P2RX5: variants seen among roughly 807,000 people sequenced by gnomAD.
P2RX5 encodes P2X purinoceptor 5.
Under a neutral mutation model 54.1 loss-of-function variants are expected in P2RX5, and 46 were observed. The observed-to-expected ratio is 0.85, with a 90% confidence interval of 0.67 to 1.09. P2RX5 has a LOEUF of 1.09. P2RX5 is among the 50% of genes least tolerant of loss of function. P2RX5 has a pLI of 0.00. For missense variants in P2RX5, 566 were observed against 549.8 expected (o/e 1.03, Z -0.29); for synonymous variants, 226 against 226.4 (o/e 1.00, Z 0.02).
Position 3,688,614 on chromosome 17 carries a change from G to A in P2RX5, c.887+12C>T. 4 of 1,614,048 alleles carry A rather than the reference G, an allele frequency of 2.5e-6. No homozygotes were observed. The highest frequency in any genetic ancestry group is 3.4e-6 in the Non-Finnish European group (4 of 1,179,938). On this transcript the variant is annotated intron_variant, in intron 8 of 11. Coordinates refer to ENST00000225328, the MANE Select transcript of P2RX5 (RefSeq NM_002561.4). ...ATGGTCAGGTCACAAGTGGGCACAA[G>A]GCAGCGGTTACCTGAAGTTGTACCC...
chr17:3,722,172 GAAAGAAAAGA>G, the P2RX5 span, among the ~76,000 whole-genome samples: 2 of 145,778 alleles, frequency 1.4e-5, no homozygotes, highest in Non-Finnish European at 3.0e-5. Context: ...CGTCTTGAAA[GAAAGAAAAGA>G]AAAGAAAAGA....
chr17:3,706,155 A>G, the P2RX5 span, among the ~76,000 whole-genome samples: 1 of 151,756 alleles, frequency 6.6e-6, no homozygotes, highest in Non-Finnish European at 1.5e-5. Flanking sequence ...GGGTTTCATC[A>G]TGTTGGCCAG....
At chr17:3,683,623 A>G (rs2050347345) in intron 9 of P2RX5, among the ~76,000 whole-genome samples, 1 of 151,560 alleles carries the variant, frequency 6.6e-6, no homozygotes. Context: ...CCAGCTACTC[A>G]GGAGGCTGAG....
intron 3 of P2RX5, 125 bp from the exon 4 acceptor site, chr17:3,690,805 T>TC (rs1199634699): frequency 8.6e-7 from 1 of 1,167,486 alleles, no homozygotes; most frequent in South Asian, 1.3e-5. Flanking sequence ...AACCTACTTC[T>TC]CCCCCATATA....
Position 3,676,388 on chromosome 17 carries a change from G to A in P2RX5, c.1260-2511C>T, listed in dbSNP as rs565478707. On this transcript the variant is annotated intron_variant, in intron 11 of 11. Coordinates refer to ENST00000225328, the MANE Select transcript of P2RX5 (RefSeq NM_002561.4). Reference sequence around the variant, plus strand: ...CAAAATCAGGGAGCCTCCTGCATTAGTAACACTGGCTGCCTCTGGGGAACC... The same window carrying A: ...CAAAATCAGGGAGCCTCCTGCATTAATAACACTGGCTGCCTCTGGGGAACC... The A allele has an allele frequency of 8.4e-5, 83 of 985,386 alleles. No homozygotes were observed. In the African/African-American group the frequency reaches 1.4e-3, roughly 17 times the overall value. The allele number at this position is 985,386 out of a possible 1,614,324, so 61.0% of individuals were successfully genotyped here.
chr17:3,708,241 C>G, the P2RX5 span, among the ~76,000 whole-genome samples: 1 of 152,058 alleles, frequency 6.6e-6, no homozygotes. Context: ...TGCCCACCAC[C>G]TCATCTGTAA....
intron 9 of P2RX5, among the ~76,000 whole-genome samples, chr17:3,683,228 G>C (rs2050335867): frequency 6.6e-6 from 1 of 152,090 alleles, no homozygotes; most frequent in African/African-American, 2.4e-5. Flanking sequence ...AGGTGGGAAG[G>C]GTTGGTGGAG....
intron 11 of P2RX5, among the ~76,000 whole-genome samples, chr17:3,674,154 A>G (rs982979112): frequency 2.0e-5 from 3 of 152,158 alleles, no homozygotes; most frequent in African/African-American, 7.2e-5. Context: ...CTCTACTAAA[A>G]ATACAAAAAA....
rs1567725929 is a variant in P2RX5, at chr17:3,673,492, C to CTA, written c.*374_*375dup. Reference sequence around the variant, plus strand: ...AGCCCTTTTCCGGACACGCACAATGCTATTCCCAGTGAGGTAATCTAGGAA... The same window carrying CTA: ...AGCCCTTTTCCGGACACGCACAATGCTATATTCCCAGTGAGGTAATCTAGGAA... On this transcript the variant is annotated 3_prime_UTR_variant, in exon 12 of 12. Transcript: ENST00000225328. 2.5e-6 allele frequency: 3 copies of CTA among 1,178,228 alleles called. No individual in the cohort carries two copies. The highest frequency in any genetic ancestry group is 3.2e-6 in the Non-Finnish European group (3 of 942,152). 73.0% of individuals were successfully genotyped at this position (1,178,228 alleles called of 1,614,324 possible).
chr17:3,678,862 G>C (rs2050162041), intron 11 of P2RX5, among the ~76,000 whole-genome samples: 1 of 152,204 alleles, frequency 6.6e-6, no homozygotes, highest in Non-Finnish European at 1.5e-5. Context: ...TCACCGCACA[G>C]GTACTCTGCA....
Position 3,676,178 on chromosome 17 carries a change from C to T in P2RX5, c.1260-2301G>A, listed in dbSNP as rs958108489. The T allele has an allele frequency of 7.1e-6, 7 of 985,344 alleles. No individual in the cohort carries two copies. In the South Asian group the frequency reaches 2.8e-4, roughly 40 times the overall value. The allele number at this position is 985,344 out of a possible 1,614,324, so 61.0% of individuals were successfully genotyped here. ...CGAGGGCTGAGCTCCAGGTTTCTCA[C>T]CTTGGGTTTACGGGGAGACAACTCA... On this transcript the variant is annotated intron_variant, in intron 11 of 11. Coordinates refer to ENST00000225328, the MANE Select transcript of P2RX5 (RefSeq NM_002561.4).
intron 11 of P2RX5, among the ~76,000 whole-genome samples, chr17:3,674,531 G>A (rs1025694790): frequency 4.2e-4 from 64 of 152,308 alleles, no homozygotes; most frequent in African/African-American, 1.4e-3. Context: ...AGAGGTCACT[G>A]GAAGGCTTGG....
chr17:3,707,152 G>A, the P2RX5 span, among the ~76,000 whole-genome samples: 5 of 152,018 alleles, frequency 3.3e-5, no homozygotes, highest in African/African-American at 1.2e-4. Flanking sequence ...GCTGATAGAC[G>A]GTTGGGAAAA....
the P2RX5 span, among the ~76,000 whole-genome samples, chr17:3,716,094 G>C: frequency 3.3e-5 from 5 of 151,950 alleles, no homozygotes; most frequent in East Asian, 1.9e-4. Flanking sequence ...GGTCAGGGTG[G>C]GGGGAAGGGA....
At chr17:3,716,266 T>C in the P2RX5 span, among the ~76,000 whole-genome samples, 2 of 124,438 alleles carry the variant, frequency 1.6e-5, no homozygotes, top group Admixed American at 7.5e-5. Context: ...AGTTTGCACA[T>C]TAAGACAGGG....
the P2RX5 span, among the ~76,000 whole-genome samples, chr17:3,704,077 C>A: frequency 6.6e-6 from 1 of 151,622 alleles, no homozygotes; most frequent in African/African-American, 2.4e-5. Flanking sequence ...ACTCCAGCCT[C>A]GGCAACAAGA....
At chr17:3,720,703 C>T in the P2RX5 span, 1 of 212,804 alleles carries the variant, frequency 4.7e-6, no homozygotes, top group Non-Finnish European at 9.5e-6. Context: ...CTGCCTTAGC[C>T]TCCCGAGTAG....
chr17:3,711,370 C>CTTTTTT, the P2RX5 span, among the ~76,000 whole-genome samples: 1,814 of 63,056 alleles, frequency 0.029, 552 homozygotes, highest in African/African-American at 0.12. Context: ...AGCACTCATT[C>CTTTTTT]TTTTTTTTTT....
the P2RX5 span, among the ~76,000 whole-genome samples, chr17:3,721,319 C>T: frequency 7.9e-6 from 1 of 126,834 alleles, no homozygotes; most frequent in Non-Finnish European, 1.6e-5. Flanking sequence ...TTACTCGGGC[C>T]GGAATGGAGT....
Sources: gnomAD v4.1 joint callset for allele counts (sites outside exome capture counted in the v4.1 genomes callset) on GRCh38, gnomAD v4.1.1 for gene constraint, MANE v1.5 for transcripts, NCBI Gene and HGNC (gene_info 2026-07-23, HGNC 2026-07-21) for gene names.